GAS6: variants seen among roughly 807,000 people sequenced by gnomAD.
GAS6 encodes the protein growth arrest-specific protein 6.
Under a neutral mutation model 75.8 loss-of-function variants are expected in GAS6, and 41 were observed. That is an observed-to-expected ratio of 0.54 (90% CI 0.42 to 0.70). GAS6 has a LOEUF of 0.70. Ranked by LOEUF, GAS6 falls within the 30% of genes least tolerant of loss-of-function variation. The pLI, the probability that GAS6 is intolerant of heterozygous loss-of-function variation, is 0.00. For missense variants in GAS6, 854 were observed against 940.2 expected (o/e 0.91, Z 1.20); for synonymous variants, 432 against 412.6 (o/e 1.05, Z -0.57).
intron 11 of GAS6, among the ~76,000 whole-genome samples, chr13:113,827,920 G>C (rs1350428145): frequency 6.6e-6 from 1 of 152,214 alleles, no homozygotes; most frequent in South Asian, 2.1e-4. Context: ...TGAGACTCAC[G>C]GCAGAGTTAC....
At position 113,839,819 on chromosome 13, in the gene GAS6, G is replaced by A. The variant is rs745625201; in HGVS notation, c.375C>T (p.Cys125=). 1.4e-5 allele frequency: 23 copies of A among 1,613,828 alleles called. 1 individual carries two copies. The South Asian group carries it at 1.8e-4, about 12-fold the overall frequency. Residue 125 remains cysteine (C), a synonymous_variant, in exon 5 of 15, where the codon TGC becomes TGT. Transcript: ENST00000327773. The part of the protein sequence containing the change: ...NLPDQCTPNP[C]DRKGTQACQD... The stretch of plus-strand genomic sequence containing the variant: ...GGCAGGCTTGGGTCCCCTTCCTATC[G>A]CAGGGGTTGGGCGTGCACTGGTCAG...
At chr13:113,831,179 C>T (rs887717383) in intron 10 of GAS6, among the ~76,000 whole-genome samples, 4 of 152,244 alleles carry the variant, frequency 2.6e-5, no homozygotes, top group Non-Finnish European at 4.4e-5. Context: ...CCGCTGCCCA[C>T]AGCTGCCCAA....
rs140003424 is a variant in GAS6 at position 113,832,445 on chromosome 13, T to C, written c.997A>G (p.Ile333Val). 24 of 1,608,756 alleles carry C rather than the reference T, an allele frequency of 1.5e-5. No individual in the cohort carries two copies. Among genetic ancestry groups the C allele is most frequent in the Middle Eastern group, 1.7e-4 (1 of 6,042 alleles). The change falls in exon 10 of 15, where the codon ATC (isoleucine) becomes GTC (valine). Residue 333 changes from isoleucine (I) to valine (V), a missense_variant. Coordinates refer to ENST00000327773, the MANE Select transcript of GAS6 (RefSeq NM_000820.4). Reference sequence around the variant, plus strand: ...TGGTGGCCTCCGGCAAAGAGGAGGATGCCCTCGGGGTCAAAGGTCCGGAAG... The same window carrying C: ...TGGTGGCCTCCGGCAAAGAGGAGGACGCCCTCGGGGTCAAAGGTCCGGAAG... The part of the protein sequence containing the change: ...FDFRTFDPEG[I>V]LLFAGGHQDS...
intron 5 of GAS6, 145 bp downstream of exon 5, chr13:113,839,583 C>T: frequency 6.8e-6 from 7 of 1,028,736 alleles, no homozygotes; most frequent in Admixed American, 5.5e-5. Flanking sequence ...CCTGGGGCTC[C>T]AGGATACCTC....
At chr13:113,846,385 G>T in intron 4 of GAS6, 142 bp downstream of exon 4, 2 of 609,820 alleles carry the variant, frequency 3.3e-6, no homozygotes, top group Admixed American at 3.0e-5. Context: ...AAGAAAGTTT[G>T]GCGAAAAGGG....
intron 2 of GAS6, among the ~76,000 whole-genome samples, chr13:113,854,240 A>C (rs2051896621): frequency 1.3e-5 from 2 of 152,152 alleles, no homozygotes; most frequent in Admixed American, 1.3e-4. Context: ...CACAGCTGTG[A>C]GCACCCTCCA....
chr13:113,834,420 C>T, intron 8 of GAS6, 131 bp downstream of exon 8: 2 of 979,308 alleles, frequency 2.0e-6, no homozygotes, highest in South Asian at 4.5e-5. Flanking sequence ...CCCAAACCTC[C>T]ACATGGCCCT....
At chr13:113,852,974 C>A (rs936472079) in intron 2 of GAS6, among the ~76,000 whole-genome samples, 2 of 152,340 alleles carry the variant, frequency 1.3e-5, no homozygotes, top group Middle Eastern at 3.4e-3. Context: ...CGTGAAGAGA[C>A]CCTCCAAGGG....
chr13:113,823,175 TG>T, intron 13 of GAS6, 199 bp downstream of exon 13: 2 of 555,066 alleles, frequency 3.6e-6, no homozygotes, highest in East Asian at 6.1e-5. Context: ...CTCAGCTGTG[TG>T]GCGGTGACCT....
intron 2 of GAS6, among the ~76,000 whole-genome samples, chr13:113,859,429 ATGTCTGGACAGTG>A (rs530041707): frequency 7.0e-6 from 1 of 142,826 alleles, no homozygotes; most frequent in Non-Finnish European, 1.5e-5. Flanking sequence ...TTGTATGTGC[ATGTCTGGACAGTG>A]TGTGACTGTG....
chr13:113,835,759 C>G, intron 6 of GAS6, 124 bp from the exon 7 acceptor site: 4 of 1,483,776 alleles, frequency 2.7e-6, no homozygotes, highest in Non-Finnish European at 3.6e-6. Context: ...GTGGGGCCAG[C>G]GCGCCCTGGC....
In GAS6 at chr13:113,820,665, T is replaced by A; in HGVS notation, c.*199A>T. The A allele has an allele frequency of 1.7e-6, 1 of 602,642 alleles. No individual in the cohort carries two copies. The highest frequency in any genetic ancestry group is 2.9e-6 in the Non-Finnish European group (1 of 348,756). The allele number at this position is 602,642 out of a possible 1,614,324, so 37.3% of individuals were successfully genotyped here. ...GAGCCCGCTCTGCGCTGCGCCGGCC[T>A]CCCCGCGCCCGGGCCCACGGCTGAG... On this transcript the variant is annotated 3_prime_UTR_variant, in exon 15 of 15. Transcript: ENST00000327773.
intron 11 of GAS6, among the ~76,000 whole-genome samples, chr13:113,827,591 G>A (rs71437249): frequency 0.13 from 18,806 of 146,722 alleles, 1,291 homozygotes; most frequent in South Asian, 0.3. Flanking sequence ...GGCCTGGGAA[G>A]CAGGTGCCCC....
At chr13:113,833,347 T>G (rs1158798162) in intron 8 of GAS6, 43 of 998,296 alleles carry the variant, frequency 4.3e-5, no homozygotes, top group Non-Finnish European at 5.0e-5. Context: ...AGGCGAGGGC[T>G]GGCTGGAAGC....
chr13:113,863,702 C>G lies in GAS6; in HGVS notation c.128G>C (p.Arg43Pro). ...CTGAAAGGCGCGGCGCTGCCTGGGC[C>G]GCAGGAACTGCGTGGCCTCGCGCGC... ...LPAREATQFLRPRQRRAFQVF... is the reference protein window; with the variant it reads ...LPAREATQFLPPRQRRAFQVF... Residue 43 changes from arginine to proline, a missense_variant, in exon 2 of 15, where the codon CGG becomes CCG. By Grantham distance (103) the Arg-to-Pro change is moderately radical (BLOSUM62 -2). Transcript: ENST00000327773. This position sits in a 1 kb window ranked among gnomAD's most constrained non-coding sequence, Gnocchi z 9.4. The G allele has an allele frequency of 1.3e-6, 2 of 1,512,688 alleles. No individual in the cohort carries two copies. The highest frequency in any genetic ancestry group is 1.8e-6 in the Non-Finnish European group (2 of 1,132,646). 93.7% of individuals were successfully genotyped at this position (1,512,688 alleles called of 1,614,324 possible).
In GAS6 at chr13:113,839,745, C is replaced by T. The variant is rs760682494; in HGVS notation, c.449G>A (p.Gly150Asp). ...TCACGTACCTTTGTCGCAGAGCCGG[C>T]CCCCCCAGCCAGCTTTACACAGGCA... ...FFCLCKAGWG[G>D]RLCDKDVNEC... The change falls in exon 5 of 15, where the codon GGC becomes GAC. Residue 150 changes from glycine (G) to aspartate (D), a missense_variant. Transcript: ENST00000327773. 1.2e-6 allele frequency: 2 copies of T among 1,613,332 alleles called. No homozygotes were observed. The highest frequency in any genetic ancestry group is 2.2e-5 in the South Asian group (2 of 91,026).
In GAS6 at chr13:113,864,038, G is replaced by A. The variant is rs944612584; in HGVS notation, c.-118C>T. 1.8e-5 allele frequency: 17 copies of A among 966,198 alleles called. No individual in the cohort carries two copies. The African/African-American group carries it at 3.0e-4, about 17-fold the overall frequency. 59.9% of individuals were successfully genotyped at this position (966,198 alleles called of 1,614,324 possible). ...GCCCTGAAGGTCACATCGCGGCGGCGGCGGCGGCGGCGGCTGCGGCACCTC... is the reference window on the plus strand; with the variant it reads ...GCCCTGAAGGTCACATCGCGGCGGCAGCGGCGGCGGCGGCTGCGGCACCTC... On this transcript the variant is annotated 5_prime_UTR_variant, in exon 1 of 15. Transcript: ENST00000327773.
chr13:113,862,568 C>G (rs369555394), intron 2 of GAS6, among the ~76,000 whole-genome samples: 19 of 152,238 alleles, frequency 1.2e-4, no homozygotes, highest in African/African-American at 4.1e-4. Flanking sequence ...AGCCCCCGGG[C>G]AACAGCCCCA....
Position 113,823,337 on chromosome 13 carries a change from C to T in GAS6, c.1653+38G>A, listed in dbSNP as rs780595570. 114 of 1,571,562 alleles carry T rather than the reference C, an allele frequency of 7.3e-5. No individual in the cohort carries two copies. In the East Asian group the frequency reaches 9.0e-4, roughly 12 times the overall value. ...GAGTGCAGCCCACGTACCCGTGGGTCGAGCCGGTCAGGACGCCCTGGGTGG... is the reference window on the plus strand; with the variant it reads ...GAGTGCAGCCCACGTACCCGTGGGTTGAGCCGGTCAGGACGCCCTGGGTGG... On this transcript the variant is annotated intron_variant, in intron 13 of 14. Transcript: ENST00000327773.
Sources: allele counts gnomAD v4.1 joint callset (sites outside exome capture counted in the v4.1 genomes callset), GRCh38; gene constraint gnomAD v4.1.1; non-coding constraint Gnocchi (gnomAD v3.1); transcripts MANE v1.5; gene names NCBI Gene and HGNC (gene_info 2026-07-23, HGNC 2026-07-21).